Variants in SLMAP observed in about 807,000 individuals in gnomAD.
The protein encoded by SLMAP is sarcolemma associated protein.
SLMAP carries 44 observed loss-of-function variants against 128.8 expected under a neutral mutation model. The ratio of observed to expected loss-of-function variants is 0.34; its 90% confidence interval spans 0.27 to 0.44. The LOEUF (loss-of-function observed/expected upper bound fraction) is 0.44, where lower values mean the gene tolerates loss of function less well. Among genes scored for constraint, SLMAP ranks in the 20% least tolerant of loss-of-function variants. SLMAP has a pLI of 1.00. For synonymous variants in SLMAP, 327 were observed against 348.8 expected (o/e 0.94, Z 0.70); for missense variants, 787 against 985.3 (o/e 0.80, Z 2.69).
At chr3:57,859,152 C>T (rs902052616) in intron 8 of SLMAP, among the ~76,000 whole-genome samples, 18 of 151,794 alleles carry the variant, frequency 1.2e-4, no homozygotes, top group African/African-American at 1.7e-4. Flanking sequence ...GGCGAAACCC[C>T]GTCTCTACTA....
intron 17 of SLMAP, among the ~76,000 whole-genome samples, chr3:57,907,346 C>T (rs1428167788): frequency 3.3e-5 from 5 of 152,106 alleles, no homozygotes; most frequent in South Asian, 2.1e-4. Flanking sequence ...GTTATATGTG[C>T]GTGTTGGGGA....
In SLMAP at chr3:57,906,387, C is replaced by G. The variant is rs535972923; in HGVS notation, c.1502-1497C>G. ...CTGGAGTGCAGTGGCGCGATCTTGG[C>G]TCATTGCCACCTCTGCCTCCCAGGT... On this transcript the variant is annotated intron_variant, in intron 17 of 24. Coordinates refer to ENST00000671191, the MANE Select transcript of SLMAP (RefSeq NM_001377540.1). 8.0e-5 allele frequency among the ~76,000 whole-genome samples: 11 copies of G among 136,834 alleles called. No individual in the cohort carries two copies. The East Asian group carries it at 2.3e-3, about 28-fold the overall frequency. 89.8% of individuals were successfully genotyped at this position (136,834 alleles called of 152,430 possible).
rs549812769 is a variant in SLMAP at position 57,916,928 on chromosome 3, C to G, written c.2161C>G (p.Leu721Val). 6.2e-7 allele frequency: 1 copy of G among 1,613,810 alleles called. No homozygotes were observed. The highest frequency in any genetic ancestry group is 1.1e-5 in the South Asian group (1 of 91,070). The change falls in exon 22 of 25, where the codon CTT becomes GTT. Residue 721 changes from leucine (L) to valine (V), a missense_variant. Physicochemically the swap from Leu to Val is conservative, Grantham distance 32 (BLOSUM62 1). This residue lies in a region of SLMAP where 715 missense variants were observed against 843.6 expected (regional missense o/e 0.85). Coordinates refer to ENST00000671191, the MANE Select transcript of SLMAP (RefSeq NM_001377540.1). ...LHNSQKQSLE[L>V]TSDLSILQMS... ...CAGTTCTCAGAAGCAGAGTTTAGAG[C>G]TTACCAGTGATCTCAGCATCCTTCA...
At position 57,897,207 on chromosome 3, in the gene SLMAP, C is replaced by T. The variant is rs561907741; in HGVS notation, c.1501+275C>T. ...CTGTGTTTTTTGTTTACCCTTGTGT[C>T]TCTAATAGGAATTTATTAGCGCTTT... is the stretch of plus-strand genomic sequence containing the variant. On this transcript the variant is annotated intron_variant, in intron 17 of 24. Transcript: ENST00000671191. 1.9e-4 allele frequency: 151 copies of T among 811,346 alleles called. 1 individual carries two copies. The African/African-American group carries it at 2.5e-3, about 13-fold the overall frequency. 50.3% of individuals were successfully genotyped at this position (811,346 alleles called of 1,614,324 possible).
chr3:57,782,468 A>G (rs2083272219), intron 2 of SLMAP, among the ~76,000 whole-genome samples: 1 of 152,018 alleles, frequency 6.6e-6, no homozygotes, highest in South Asian at 2.1e-4. Flanking sequence ...TAGGTGGCCA[A>G]ACTTTCCTTT....
At chr3:57,818,079 G>A (rs1243548809) in intron 2 of SLMAP, among the ~76,000 whole-genome samples, 2 of 152,174 alleles carry the variant, frequency 1.3e-5, no homozygotes, top group African/African-American at 2.4e-5. Context: ...GAATGGTTGA[G>A]ATCTAAAGTT....
chr3:57,847,064 A>T (rs1004234179), intron 4 of SLMAP, 133 bp from the exon 5 acceptor site: 3 of 619,022 alleles, frequency 4.8e-6, no homozygotes, highest in Non-Finnish European at 8.6e-6. Flanking sequence ...AAGGATTGAA[A>T]AATAGTTCAC....
At chr3:57,921,359 G>A (rs928709892) in intron 22 of SLMAP, among the ~76,000 whole-genome samples, 1 of 152,142 alleles carries the variant, frequency 6.6e-6, no homozygotes, top group African/African-American at 2.4e-5. Flanking sequence ...GGGCACGGTG[G>A]CTCATGCCTG....
At position 57,929,354 on chromosome 3, in the gene SLMAP, A is replaced by AT. The variant is rs1448453143; in HGVS notation, c.*2072dup. 6.6e-6 allele frequency among the ~76,000 whole-genome samples: 1 copy of AT among 152,026 alleles called. No homozygotes were observed. Among genetic ancestry groups the AT allele is most frequent in the African/African-American group, 2.4e-5 (1 of 41,406 alleles). ...AACCTTTTATTTAACTTACTGCTTT[A>AT]TTTTTTTCTCTTTTAATATGGTTAT... On this transcript the variant is annotated 3_prime_UTR_variant, in exon 25 of 25. Transcript: ENST00000671191.
At chr3:57,879,289 T>G (rs2095671379) in intron 14 of SLMAP, among the ~76,000 whole-genome samples, 1 of 152,240 alleles carries the variant, frequency 6.6e-6, no homozygotes, top group Non-Finnish European at 1.5e-5. Context: ...CTGTTCAGTC[T>G]TTGACAAGAT....
chr3:57,821,838 T>C (rs2092545587), intron 2 of SLMAP, among the ~76,000 whole-genome samples: 1 of 152,168 alleles, frequency 6.6e-6, no homozygotes. Context: ...CTTGCATTTT[T>C]CCACTTGTTC....
chr3:57,837,983 A>C (rs1299307155), intron 3 of SLMAP, among the ~76,000 whole-genome samples: 1 of 151,924 alleles, frequency 6.6e-6, no homozygotes, highest in African/African-American at 2.4e-5. Context: ...CTGTGCAGCA[A>C]CTCTGTACTG....
At chr3:57,782,550 A>G (rs535813271) in intron 2 of SLMAP, among the ~76,000 whole-genome samples, 1 of 152,202 alleles carries the variant, frequency 6.6e-6, no homozygotes, top group East Asian at 1.9e-4. Context: ...TGGGCTCACT[A>G]CAACTTCCAC....
intron 3 of SLMAP, among the ~76,000 whole-genome samples, chr3:57,839,566 C>T (rs193123294): frequency 2.2e-4 from 33 of 151,014 alleles, no homozygotes; most frequent in East Asian, 3.9e-4. Context: ...CTCAGCCTCC[C>T]GAGTAGCTGG....
rs1294913038 is a variant in SLMAP, at chr3:57,917,067, T to C, written c.2300T>C (p.Val767Ala). ...AAGGCAGAAAACCAAGCAAAGGATGTGCAGAAAGAGGTAAAGCGAAAAGAC... is the reference window on the plus strand; with the variant it reads ...AAGGCAGAAAACCAAGCAAAGGATGCGCAGAAAGAGGTAAAGCGAAAAGAC... ...LSKAENQAKD[V>A]QKEYEKTQTV... Residue 767 changes from valine to alanine, a missense_variant, in exon 22 of 25, where the codon GTG (valine) becomes GCG (alanine). Transcript: ENST00000671191. 6.2e-7 allele frequency: 1 copy of C among 1,613,774 alleles called. No homozygotes were observed. The highest frequency in any genetic ancestry group is 2.2e-5 in the East Asian group (1 of 44,762).
intron 17 of SLMAP, 131 bp from the exon 18 acceptor site, chr3:57,907,751 TTC>T: frequency 1.4e-6 from 1 of 720,748 alleles, no homozygotes; most frequent in Non-Finnish European, 2.1e-6. Context: ...TATAATTTGC[TTC>T]TAAGTTTTAT....
chr3:57,896,765 C>G, intron 16 of SLMAP, 108 bp from the exon 17 acceptor site: 2 of 1,403,078 alleles, frequency 1.4e-6, no homozygotes, highest in Admixed American at 2.4e-5. Context: ...TTCAACTACC[C>G]GAATATAATA....
intron 17 of SLMAP, 48 bp from the exon 18 acceptor site, chr3:57,907,836 A>G (rs1443949358): frequency 1.9e-6 from 3 of 1,575,762 alleles, no homozygotes; most frequent in Non-Finnish European, 1.7e-6. Context: ...ATTGTAGATT[A>G]TAGTGTGATA....
In SLMAP at chr3:57,831,464, C is replaced by G. The variant is rs1295613390; in HGVS notation, c.280C>G (p.Pro94Ala). 2 of 1,596,034 alleles carry G rather than the reference C, an allele frequency of 1.3e-6. No individual in the cohort carries two copies. The highest frequency in any genetic ancestry group is 1.7e-6 in the Non-Finnish European group (2 of 1,169,940). Residue 94 changes from proline to alanine, a missense_variant, in exon 3 of 25, where the codon CCA becomes GCA. Pro to Ala is a conservative substitution (Grantham distance 27). This residue lies in a region of SLMAP where 72 missense variants were observed against 141.8 expected (regional missense o/e 0.51). Transcript: ENST00000671191. ...RLSRGSEESP[P>A]CEILSGDIIQ... The stretch of plus-strand genomic sequence containing the variant: ...GAGTCGAGGCTCTGAAGAAAGTCCA[C>G]CATGTGAAATTCTTTCCGGTGACAT...
Sources: gnomAD v4.1 joint callset for allele counts (sites outside exome capture counted in the v4.1 genomes callset) on GRCh38, gnomAD v4.1.1 for gene constraint, gnomAD v4.1.1 regional missense constraint, MANE v1.5 for transcripts, NCBI Gene and HGNC (gene_info 2026-07-23, HGNC 2026-07-21) for gene names.